Variants in SHROOM2 observed in about 807,000 individuals in gnomAD.
The protein encoded by SHROOM2 is protein Shroom2.
In SHROOM2, 33 loss-of-function variants were observed where a neutral mutation model predicts 75.9. That is an observed-to-expected ratio of 0.43 (90% confidence interval 0.33 to 0.58). The LOEUF (loss-of-function observed/expected upper bound fraction) is 0.58. Among genes scored for constraint, SHROOM2 ranks in the 20% least tolerant of loss-of-function variants. The pLI is 0.04. For synonymous variants in SHROOM2, 655 were observed against 663.6 expected (o/e 0.99, Z 0.20); for missense variants, 1,434 against 1,461.2 (o/e 0.98, Z 0.30).
At chrX:9,894,267 C>A in intron 3 of SHROOM2, 91 bp from the exon 4 acceptor site, 1 of 903,755 alleles carries the variant, frequency 1.1e-6, no homozygotes, top group Non-Finnish European at 1.5e-6. Flanking sequence ...TTTGGTATTT[C>A]CACAGAGGGT....
intron 1 of SHROOM2, among the ~76,000 whole-genome samples, chrX:9,871,569 G>A (rs774226715): frequency 1.6e-3 from 175 of 112,311 alleles, no homozygotes; most frequent in Non-Finnish European, 2.3e-3. Context: ...GGATAAAATC[G>A]TCTAGAACTT....
intron 9 of SHROOM2, 138 bp downstream of exon 9, chrX:9,945,051 C>T: frequency 7.2e-6 from 4 of 555,094 alleles, no homozygotes; most frequent in Non-Finnish European, 8.6e-6. Flanking sequence ...CAGACCTTGT[C>T]GAGACAGTGC....
intron 1 of SHROOM2, among the ~76,000 whole-genome samples, chrX:9,859,946 G>T (rs1300901171): frequency 8.9e-6 from 1 of 111,918 alleles, no homozygotes; most frequent in Non-Finnish European, 1.9e-5. Flanking sequence ...AGGGCAGGAG[G>T]TTAAAGCGTG....
chrX:9,803,867 G>A (rs1470162572), intron 1 of SHROOM2, among the ~76,000 whole-genome samples: 1 of 111,282 alleles, frequency 9.0e-6, no homozygotes. Flanking sequence ...CAGCACTGTT[G>A]GGCAGCACGG....
chrX:9,842,189 C>A (rs988901514), intron 1 of SHROOM2, among the ~76,000 whole-genome samples: 1 of 112,549 alleles, frequency 8.9e-6, no homozygotes, highest in Non-Finnish European at 1.9e-5. Flanking sequence ...AGATTCATTT[C>A]TTTTAATACT....
At chrX:9,857,593 T>C (rs2084078888) in intron 1 of SHROOM2, among the ~76,000 whole-genome samples, 1 of 110,325 alleles carries the variant, frequency 9.1e-6, no homozygotes, top group South Asian at 4.0e-4. Context: ...CTCACCATGT[T>C]GCCCAGGCTG....
chrX:9,802,296 G>A (rs929020328), intron 1 of SHROOM2, among the ~76,000 whole-genome samples: 7 of 111,782 alleles, frequency 6.3e-5, no homozygotes, highest in African/African-American at 2.3e-4. Flanking sequence ...TCACCTGGGA[G>A]CTCGTTAGAA....
chrX:9,893,100 A>G (rs1053186486), intron 3 of SHROOM2, among the ~76,000 whole-genome samples: 1 of 110,079 alleles, frequency 9.1e-6, no homozygotes, highest in Non-Finnish European at 1.9e-5. Context: ...GTGTGATATT[A>G]TTATTATTAT....
chrX:9,912,790 A>C, intron 5 of SHROOM2: 1 of 111,933 alleles, frequency 8.9e-6, no homozygotes, highest in Non-Finnish European at 1.9e-5. Flanking sequence ...ATGTGTTCTC[A>C]TTGTTTATTC....
chrX:9,911,469 G>A (rs774921554), intron 5 of SHROOM2, among the ~76,000 whole-genome samples: 1 of 111,918 alleles, frequency 8.9e-6, no homozygotes, highest in South Asian at 3.7e-4. Flanking sequence ...GTAGAAGAGG[G>A]TGACAGGAAC....
intron 1 of SHROOM2, among the ~76,000 whole-genome samples, chrX:9,868,583 A>G (rs1338358246): frequency 3.7e-5 from 4 of 109,214 alleles, no homozygotes; most frequent in African/African-American, 1.0e-4. Flanking sequence ...TCGCTCTGTC[A>G]CCCAGGCTAG....
chrX:9,911,220 T>C (rs1158641086), intron 5 of SHROOM2, among the ~76,000 whole-genome samples: 2 of 111,591 alleles, frequency 1.8e-5, no homozygotes, highest in African/African-American at 6.5e-5. Context: ...TGTAAGTGTG[T>C]CAGGTCCCCC....
intron 1 of SHROOM2, among the ~76,000 whole-genome samples, chrX:9,837,281 C>T (rs148494137): frequency 5.3e-5 from 6 of 112,326 alleles, no homozygotes; most frequent in South Asian, 7.5e-4. Flanking sequence ...ACTTGGGAGC[C>T]GGGATTGTTA....
intron 1 of SHROOM2, among the ~76,000 whole-genome samples, chrX:9,823,164 T>TCCTCC (rs1339711176): frequency 5.6e-5 from 2 of 35,710 alleles, no homozygotes; most frequent in Admixed American, 4.7e-4. Context: ...TTCTTCTTCT[T>TCCTCC]TTCTTCTTCT....
chrX:9,932,939 T>C (rs1429525179), intron 6 of SHROOM2, 69 bp downstream of exon 6: 1 of 952,410 alleles, frequency 1.0e-6, no homozygotes, highest in African/African-American at 1.9e-5. Context: ...TCAGTGGGTC[T>C]TTCTGGGGAG....
chrX:9,886,316 A>G (rs1405309788), intron 2 of SHROOM2, among the ~76,000 whole-genome samples: 1 of 111,620 alleles, frequency 9.0e-6, no homozygotes, highest in Non-Finnish European at 1.9e-5. Flanking sequence ...GGACTGTCCT[A>G]TCTTCCTCTT....
At chrX:9,842,994 G>A (rs1487796328) in intron 1 of SHROOM2, among the ~76,000 whole-genome samples, 1 of 112,210 alleles carries the variant, frequency 8.9e-6, no homozygotes, top group Non-Finnish European at 1.9e-5. Flanking sequence ...CTGCGTGGCA[G>A]GGCCACCTCA....
chrX:9,796,148 C>G (rs2083694029), intron 1 of SHROOM2, among the ~76,000 whole-genome samples: 1 of 111,781 alleles, frequency 8.9e-6, no homozygotes. Flanking sequence ...ACTTTCCCTA[C>G]TCAATCCTGA....
chrX:9,898,392 G>T, intron 5 of SHROOM2, 102 bp downstream of exon 5: 1 of 634,048 alleles, frequency 1.6e-6, no homozygotes, highest in Non-Finnish European at 2.4e-6. Context: ...TCTGGCTTTT[G>T]CCAAACCCAA....
Sources: allele counts gnomAD v4.1 joint callset (sites outside exome capture counted in the v4.1 genomes callset), GRCh38; gene constraint gnomAD v4.1.1; transcripts MANE v1.5; gene names NCBI Gene and HGNC (gene_info 2026-07-23, HGNC 2026-07-21).